The following CNTNAP5 variants were observed in gnomAD, a reference collection of about 807,000 sequenced individuals.
CNTNAP5 encodes the protein contactin-associated protein-like 5.
In CNTNAP5, 72 loss-of-function variants were observed where a neutral mutation model predicts 150.2. The ratio of observed to expected loss-of-function variants is 0.48; its 90% CI spans 0.40 to 0.58. The LOEUF is 0.58. Among genes scored for constraint, CNTNAP5 ranks in the 20% least tolerant of loss-of-function variants. The pLI is 0.00. For missense variants in CNTNAP5, 1,636 were observed against 1,626.2 expected (o/e 1.01, Z -0.10); for synonymous variants, 672 against 619.8 (o/e 1.08, Z -1.25).
chr2:124,622,242 T>C (rs1017628357), intron 12 of CNTNAP5, among the ~76,000 whole-genome samples: 1 of 152,084 alleles, frequency 6.6e-6, no homozygotes, highest in Admixed American at 6.6e-5. Context: ...TGTTCCTATG[T>C]TAGTTTGCTG....
At chr2:124,342,859 TGAGTTCAGTCCCAAATAATTAATTC>T (rs1370113916) in intron 3 of CNTNAP5, among the ~76,000 whole-genome samples, 107 of 152,280 alleles carry the variant, frequency 7.0e-4, no homozygotes, top group African/African-American at 2.5e-3. Flanking sequence ...TGGTTTTTCA[TGAGTTCAGTCCCAAATAATTAATTC>T]TTGTTCTGCT....
chr2:124,624,042 A>C (rs1295868361), intron 12 of CNTNAP5, among the ~76,000 whole-genome samples: 1 of 152,192 alleles, frequency 6.6e-6, no homozygotes, highest in Non-Finnish European at 1.5e-5. Context: ...TGGTGACCAC[A>C]TAGGGCTTCC....
chr2:124,909,798 T>C (rs1358227708), intron 22 of CNTNAP5, among the ~76,000 whole-genome samples: 5 of 131,652 alleles, frequency 3.8e-5, no homozygotes, highest in African/African-American at 5.8e-5. Context: ...ACTATCATCA[T>C]TATCACCCCA....
chr2:124,677,439 G>A (rs1230718943), intron 13 of CNTNAP5, among the ~76,000 whole-genome samples: 1 of 152,218 alleles, frequency 6.6e-6, no homozygotes, highest in Admixed American at 6.5e-5. Context: ...TGCTGCTGCT[G>A]GCTGGGGTGG....
intron 3 of CNTNAP5, among the ~76,000 whole-genome samples, chr2:124,362,411 T>C (rs977862126): frequency 7.2e-5 from 11 of 152,222 alleles, no homozygotes; most frequent in African/African-American, 2.4e-4. Flanking sequence ...TAAGTATTGT[T>C]GACTTTCAGA....
chr2:124,480,666 C>A lies in CNTNAP5; in HGVS notation c.1062+5784C>A, dbSNP rs553444038. On this transcript the variant is annotated intron_variant, in intron 7 of 23. Coordinates refer to ENST00000682447, the MANE Select transcript of CNTNAP5 (RefSeq NM_001367498.1). ...TTAGCTTGTTTCCGGGATCATGTTT[C>A]ATCTCTGTGAGTATGCTCTGTGATA... 3.9e-5 allele frequency among the ~76,000 whole-genome samples: 6 copies of A among 152,288 alleles called. No homozygotes were observed. The East Asian group carries it at 1.2e-3, about 29-fold the overall frequency.
intron 6 of CNTNAP5, among the ~76,000 whole-genome samples, chr2:124,463,603 C>T (rs972256886): frequency 3.9e-5 from 6 of 152,212 alleles, no homozygotes; most frequent in African/African-American, 1.4e-4. Flanking sequence ...CTGCAAAAGA[C>T]TCACCAAATA....
chr2:124,553,719 A>G (rs767021315), intron 10 of CNTNAP5, among the ~76,000 whole-genome samples: 8 of 152,182 alleles, frequency 5.3e-5, no homozygotes, highest in Non-Finnish European at 8.8e-5. Context: ...AACTTGGCCA[A>G]TAGATTAAAT....
At chr2:124,708,097 C>A (rs956764292) in intron 13 of CNTNAP5, among the ~76,000 whole-genome samples, 3 of 152,142 alleles carry the variant, frequency 2.0e-5, no homozygotes, top group African/African-American at 7.2e-5. Context: ...TTATGATGTT[C>A]TTTGAGTTTT....
intron 3 of CNTNAP5, among the ~76,000 whole-genome samples, chr2:124,329,157 C>T (rs1243226707): frequency 1.3e-5 from 2 of 152,044 alleles, no homozygotes; most frequent in African/African-American, 4.8e-5. Context: ...GGATAAAGTT[C>T]GTCTGAGCTC....
intron 3 of CNTNAP5, among the ~76,000 whole-genome samples, chr2:124,364,761 A>G (rs1409789664): frequency 6.6e-6 from 1 of 152,256 alleles, no homozygotes; most frequent in African/African-American, 2.4e-5. Flanking sequence ...TGCATTAAGT[A>G]TAATACCAGA....
chr2:124,751,433 T>C (rs1314084552), intron 14 of CNTNAP5, among the ~76,000 whole-genome samples: 1 of 152,220 alleles, frequency 6.6e-6, no homozygotes, highest in Non-Finnish European at 1.5e-5. Context: ...ACAAGGATTA[T>C]GGGCATACAA....
rs376496700 is a variant in CNTNAP5 at position 124,216,228 on chromosome 2, A to G, written c.83-5477A>G. Among the ~76,000 whole-genome samples, 34 of 152,280 alleles carry G rather than the reference A, an allele frequency of 2.2e-4. No individual in the cohort carries two copies. In the South Asian group the frequency reaches 7.0e-3, roughly 32 times the overall value. On this transcript the variant is annotated intron_variant, in intron 1 of 23. Coordinates refer to ENST00000682447, the MANE Select transcript of CNTNAP5 (RefSeq NM_001367498.1). ...TTTATCTGGGGGGATGATGGGAGCT[A>G]GTGATGGCCTTTACATTATAAAGAA...
intron 8 of CNTNAP5, among the ~76,000 whole-genome samples, chr2:124,514,846 A>G (rs1016551781): frequency 2.6e-5 from 4 of 152,208 alleles, no homozygotes; most frequent in Non-Finnish European, 5.9e-5. Context: ...TGGGGCCCAG[A>G]TGGCAAAAGA....
At chr2:124,717,743 G>A (rs1350784977) in intron 13 of CNTNAP5, among the ~76,000 whole-genome samples, 1 of 152,198 alleles carries the variant, frequency 6.6e-6, no homozygotes, top group Non-Finnish European at 1.5e-5. Context: ...CCTGAACGAT[G>A]TTTGAAAGTT....
intron 6 of CNTNAP5, among the ~76,000 whole-genome samples, chr2:124,457,541 T>A (rs1004162589): frequency 1.3e-5 from 2 of 152,134 alleles, no homozygotes; most frequent in African/African-American, 4.8e-5. Context: ...AATGTCTTTT[T>A]ATTAATCAAC....
At chr2:124,781,595 C>G (rs1681453648) in intron 17 of CNTNAP5, among the ~76,000 whole-genome samples, 1 of 152,108 alleles carries the variant, frequency 6.6e-6, no homozygotes, top group South Asian at 2.1e-4. Context: ...GGAGCCCAAA[C>G]GCCTCAGGGC....
At chr2:124,394,049 G>C (rs561770955) in intron 3 of CNTNAP5, among the ~76,000 whole-genome samples, 63 of 152,084 alleles carry the variant, frequency 4.1e-4, no homozygotes, top group Non-Finnish European at 6.3e-4. Context: ...AACTGTTATA[G>C]CTATTATATG....
chr2:124,869,294 T>A (rs2104724770), intron 20 of CNTNAP5, among the ~76,000 whole-genome samples: 1 of 152,112 alleles, frequency 6.6e-6, no homozygotes, highest in East Asian at 1.9e-4. Flanking sequence ...GGGGGAGAAA[T>A]GGAAAATGAG....
Sources: allele counts gnomAD v4.1 joint callset (sites outside exome capture counted in the v4.1 genomes callset), GRCh38; gene constraint gnomAD v4.1.1; transcripts MANE v1.5; gene names NCBI Gene and HGNC (gene_info 2026-07-23, HGNC 2026-07-21).